DPP10: variants seen among roughly 807,000 people sequenced by gnomAD.
The protein encoded by DPP10 is dipeptidyl peptidase like 10, also known as inactive dipeptidyl peptidase 10.
In DPP10, 33 loss-of-function variants were observed where a neutral mutation model predicts 120.9. The observed-to-expected ratio is 0.27, with a 90% CI of 0.21 to 0.37. The LOEUF is 0.37. DPP10 is among the 10% of genes least tolerant of loss of function. DPP10 has a pLI of 1.00. For synonymous variants in DPP10, 337 were observed against 326.1 expected, an observed-to-expected ratio of 1.03 and a Z score of -0.36; for missense variants, 816 against 942.8, an observed-to-expected ratio of 0.87 and a Z score of 1.76.
intron 5 of DPP10, among the ~76,000 whole-genome samples, chr2:115,535,411 T>C (rs1434236628): frequency 1.3e-5 from 2 of 152,222 alleles, no homozygotes; most frequent in South Asian, 2.1e-4. Flanking sequence ...TTCTCAAAGA[T>C]CAGATAGTTG....
At chr2:115,149,346 C>A (rs1401036200) in intron 1 of DPP10, among the ~76,000 whole-genome samples, 1 of 152,172 alleles carries the variant, frequency 6.6e-6, no homozygotes, top group Non-Finnish European at 1.5e-5. Flanking sequence ...TTCTTCCTTT[C>A]ACCTACAATT....
At chr2:115,340,446 T>G (rs1406291267) in intron 2 of DPP10, among the ~76,000 whole-genome samples, 1 of 152,026 alleles carries the variant, frequency 6.6e-6, no homozygotes, top group Non-Finnish European at 1.5e-5. Flanking sequence ...GCCTTAATAT[T>G]GTGAAATGTT....
At chr2:115,137,336 T>C (rs2104821971) in intron 1 of DPP10, among the ~76,000 whole-genome samples, 1 of 152,304 alleles carries the variant, frequency 6.6e-6, no homozygotes, top group South Asian at 2.1e-4. Flanking sequence ...GACTGAGCCA[T>C]CTGGCAGTGA....
At chr2:115,428,738 C>G (rs1375124430) in intron 3 of DPP10, among the ~76,000 whole-genome samples, 1 of 152,158 alleles carries the variant, frequency 6.6e-6, no homozygotes, top group Non-Finnish European at 1.5e-5. Flanking sequence ...ATTTAACTTC[C>G]TCAGCAAGGC....
At chr2:114,703,924 A>G (rs142814966) in intron 1 of DPP10, among the ~76,000 whole-genome samples, 1 of 152,144 alleles carries the variant, frequency 6.6e-6, no homozygotes, top group African/African-American at 2.4e-5. Flanking sequence ...GAAAGAACCC[A>G]GAAGTGGGTG....
At chr2:115,268,663 G>A (rs1413063300) in intron 1 of DPP10, among the ~76,000 whole-genome samples, 1 of 151,872 alleles carries the variant, frequency 6.6e-6, no homozygotes, top group Admixed American at 6.6e-5. Flanking sequence ...AGAGGCAGTG[G>A]GTGTATCGAT....
intron 1 of DPP10, among the ~76,000 whole-genome samples, chr2:115,303,470 TA>T (rs1282219205): frequency 6.6e-6 from 1 of 151,994 alleles, no homozygotes; most frequent in East Asian, 1.9e-4. Context: ...TCTCTACTTT[TA>T]AAAAAACTCC....
intron 1 of DPP10, among the ~76,000 whole-genome samples, chr2:114,509,014 GAA>G (rs1311452808): frequency 2.0e-5 from 3 of 152,110 alleles, no homozygotes; most frequent in East Asian, 3.9e-4. Context: ...GCGAGAGTGA[GAA>G]AGAGAGAGAG....
intron 4 of DPP10, among the ~76,000 whole-genome samples, chr2:115,524,340 C>T (rs115091511): frequency 2.4e-4 from 37 of 152,116 alleles, no homozygotes; most frequent in African/African-American, 7.7e-4. Context: ...TCAAAGAGCT[C>T]GGACAAGAGC....
intron 5 of DPP10, among the ~76,000 whole-genome samples, chr2:115,580,419 T>C (rs903200414): frequency 1.3e-5 from 2 of 152,178 alleles, no homozygotes; most frequent in Admixed American, 6.5e-5. Flanking sequence ...ATAACTGTTT[T>C]TATTGAGCAC....
At chr2:115,154,557 A>T (rs1195418605) in intron 1 of DPP10, among the ~76,000 whole-genome samples, 1 of 152,200 alleles carries the variant, frequency 6.6e-6, no homozygotes, top group Non-Finnish European at 1.5e-5. Context: ...GGACAACAGA[A>T]AGAGAAAATA....
intron 1 of DPP10, among the ~76,000 whole-genome samples, chr2:115,293,138 A>G (rs1295821478): frequency 6.6e-6 from 1 of 151,430 alleles, no homozygotes; most frequent in African/African-American, 2.4e-5. Context: ...CAAAGGATAA[A>G]TTGATAAAGA....
At chr2:115,111,072 C>T (rs557435974) in intron 1 of DPP10, among the ~76,000 whole-genome samples, 8 of 152,164 alleles carry the variant, frequency 5.3e-5, no homozygotes, top group Admixed American at 3.9e-4. Context: ...GAGAAGGAAA[C>T]GCAATCCTAT....
chr2:114,566,660 G>A (rs1358229346), intron 1 of DPP10, among the ~76,000 whole-genome samples: 1 of 152,172 alleles, frequency 6.6e-6, no homozygotes, highest in East Asian at 1.9e-4. Context: ...GTACCAGGTA[G>A]CAGTTGAAAG....
chr2:115,322,916 T>C (rs1176787670), intron 2 of DPP10, among the ~76,000 whole-genome samples: 2 of 152,232 alleles, frequency 1.3e-5, no homozygotes, highest in Non-Finnish European at 2.9e-5. Flanking sequence ...CTTCTGCAAA[T>C]CATAATCTTT....
intron 19 of DPP10, among the ~76,000 whole-genome samples, chr2:115,797,186 A>G (rs768267443): frequency 1.3e-5 from 2 of 152,038 alleles, no homozygotes; most frequent in Non-Finnish European, 2.9e-5. Flanking sequence ...GAGTTCATGA[A>G]TATTCCACAA....
chr2:114,688,645 A>C (rs1473195243), intron 1 of DPP10, among the ~76,000 whole-genome samples: 1 of 152,028 alleles, frequency 6.6e-6, no homozygotes, highest in East Asian at 1.9e-4. Flanking sequence ...GAAATGCGGA[A>C]GAAAGCAAGC....
At chr2:115,421,972 A>AC (rs2070015478) in intron 3 of DPP10, among the ~76,000 whole-genome samples, 1 of 150,414 alleles carries the variant, frequency 6.6e-6, no homozygotes, top group African/African-American at 2.4e-5. Context: ...TAAAAGCAGC[A>AC]CCCCCACCTC....
chr2:114,750,663 G>A (rs1244130026), intron 1 of DPP10, among the ~76,000 whole-genome samples: 1 of 152,182 alleles, frequency 6.6e-6, no homozygotes, highest in African/African-American at 2.4e-5. Flanking sequence ...TCCTCAAGGA[G>A]CCCAGTGTTC....
Sources: gnomAD v4.1 joint callset for allele counts (sites outside exome capture counted in the v4.1 genomes callset) on GRCh38, gnomAD v4.1.1 for gene constraint, MANE v1.5 for transcripts, NCBI Gene and HGNC (gene_info 2026-07-23, HGNC 2026-07-21) for gene names.